The following AP4E1 variants were observed in gnomAD, a reference collection of about 807,000 sequenced individuals.
The protein encoded by AP4E1 is AP-4 complex subunit epsilon-1.
Under a neutral mutation model 128.2 loss-of-function variants are expected in AP4E1, and 56 were observed. The ratio of observed to expected loss-of-function variants is 0.44; its 90% confidence interval spans 0.35 to 0.55. The LOEUF is 0.55. Among genes scored for constraint, AP4E1 ranks in the 20% least tolerant of loss-of-function variants. The pLI is 0.00. For missense variants in AP4E1, 1,324 were observed against 1,307.7 expected, an observed-to-expected ratio of 1.01 and a Z score of -0.19; for synonymous variants, 484 against 473.1, an observed-to-expected ratio of 1.02 and a Z score of -0.30.
At chr15:50,908,340 C>G (rs2141120117), upstream of AP4E1, among the ~76,000 whole-genome samples, 1 of 152,242 alleles carries the variant, frequency 6.6e-6, no homozygotes, top group South Asian at 2.1e-4. Flanking sequence ...TGAGAGGCGG[C>G]GGACGGCGCG....
chr15:50,972,118 T>C (rs1247904386), intron 15 of AP4E1, among the ~76,000 whole-genome samples: 1 of 152,230 alleles, frequency 6.6e-6, no homozygotes, highest in Non-Finnish European at 1.5e-5. Context: ...GACTTATTTG[T>C]ATAAATGGGT....
At chr15:50,922,979 G>T (rs560813737) in intron 3 of AP4E1, among the ~76,000 whole-genome samples, 14 of 151,994 alleles carry the variant, frequency 9.2e-5, no homozygotes, top group Non-Finnish European at 1.9e-4. Flanking sequence ...GGGTTTCACC[G>T]TGTTAGCCAG....
chr15:50,979,388 G>GA (rs1199620419), intron 15 of AP4E1, among the ~76,000 whole-genome samples: 3 of 152,220 alleles, frequency 2.0e-5, no homozygotes, highest in African/African-American at 7.2e-5. Flanking sequence ...TTACAAGAGT[G>GA]AGTTTGGCCC....
chr15:50,927,797 C>T (rs994762255), intron 5 of AP4E1, among the ~76,000 whole-genome samples: 2 of 151,942 alleles, frequency 1.3e-5, no homozygotes, highest in African/African-American at 2.4e-5. Flanking sequence ...GAGTGGAACA[C>T]AAAGGATTGC....
At chr15:50,985,492 G>T (rs571167918) in intron 16 of AP4E1, among the ~76,000 whole-genome samples, 43 of 152,280 alleles carry the variant, frequency 2.8e-4, no homozygotes, top group African/African-American at 1.0e-3. Flanking sequence ...TTTGTATAAG[G>T]TGTAAGGAAG....
At chr15:50,957,300 G>C (rs1213291252) in intron 13 of AP4E1, among the ~76,000 whole-genome samples, 1 of 152,160 alleles carries the variant, frequency 6.6e-6, no homozygotes, top group Non-Finnish European at 1.5e-5. Flanking sequence ...CAGAAGTCCA[G>C]CCGTCTCTGG....
At chr15:50,943,700 C>T (rs2064019064) in intron 10 of AP4E1, among the ~76,000 whole-genome samples, 1 of 151,998 alleles carries the variant, frequency 6.6e-6, no homozygotes, top group Non-Finnish European at 1.5e-5. Context: ...TCTAATACAC[C>T]CATTGGATGC....
At chr15:50,939,298 C>G (rs1322828420) in intron 8 of AP4E1, among the ~76,000 whole-genome samples, 3 of 151,994 alleles carry the variant, frequency 2.0e-5, no homozygotes, top group African/African-American at 7.2e-5. Context: ...CATGGTGAAA[C>G]CCTGTCTCTA....
intron 5 of AP4E1, among the ~76,000 whole-genome samples, chr15:50,925,544 T>A (rs2063757503): frequency 6.6e-6 from 1 of 152,198 alleles, no homozygotes; most frequent in South Asian, 2.1e-4. Context: ...TCTACCAAAG[T>A]TGTTTTGGGG....
At chr15:50,971,292 G>T (rs1431872302) in intron 15 of AP4E1, among the ~76,000 whole-genome samples, 1 of 151,944 alleles carries the variant, frequency 6.6e-6, no homozygotes, top group Non-Finnish European at 1.5e-5. Flanking sequence ...TGGCCTCTAA[G>T]GTTTCTGCTG....
At chr15:50,926,219 G>A (rs1260940087) in intron 5 of AP4E1, among the ~76,000 whole-genome samples, 2 of 150,754 alleles carry the variant, frequency 1.3e-5, no homozygotes, top group Non-Finnish European at 3.0e-5. Flanking sequence ...CTCACTGCAC[G>A]CTCCACCTCC....
chr15:50,957,967 T>TG (rs1020216024), intron 13 of AP4E1, among the ~76,000 whole-genome samples: 3 of 152,064 alleles, frequency 2.0e-5, no homozygotes, highest in Admixed American at 2.0e-4. Context: ...CCACCATGCC[T>TG]GGCCAATAAG....
chr15:50,982,086 CAAAA>C (rs55717107), intron 15 of AP4E1, among the ~76,000 whole-genome samples: 17 of 49,282 alleles, frequency 3.4e-4, no homozygotes, highest in South Asian at 2.2e-3. Flanking sequence ...ACTCCCATCT[CAAAA>C]AAAAAAAAAA....
chr15:50,916,194 C>G (rs550657008), intron 3 of AP4E1, among the ~76,000 whole-genome samples: 1 of 152,066 alleles, frequency 6.6e-6, no homozygotes, highest in Admixed American at 6.6e-5. Flanking sequence ...CCTCCCAAAG[C>G]GCTGGGATTA....
intron 3 of AP4E1, 35 bp from the exon 4 acceptor site, chr15:50,923,896 A>G: frequency 6.7e-7 from 1 of 1,491,100 alleles, no homozygotes; most frequent in Non-Finnish European, 9.3e-7. Flanking sequence ...TGTTTTTGGT[A>G]GTTAGTAATC....
At chr15:50,920,223 C>T (rs546595722) in intron 3 of AP4E1, among the ~76,000 whole-genome samples, 1 of 149,006 alleles carries the variant, frequency 6.7e-6, no homozygotes, top group East Asian at 2.0e-4. Context: ...ACGCCATTCT[C>T]CTGCCTCAGC....
chr15:50,931,180 A>G (rs188871793), intron 7 of AP4E1, among the ~76,000 whole-genome samples: 2 of 152,192 alleles, frequency 1.3e-5, no homozygotes, highest in Non-Finnish European at 2.9e-5. Flanking sequence ...TTTACCCATC[A>G]TGAAAGGTAC....
intron 15 of AP4E1, among the ~76,000 whole-genome samples, chr15:50,980,334 G>A (rs945714685): frequency 2.0e-5 from 3 of 152,206 alleles, no homozygotes; most frequent in Admixed American, 1.3e-4. Context: ...ATTTAAGAGC[G>A]ATGAACTAGA....
At chr15:51,000,175 C>CT (rs1056093145) in intron 19 of AP4E1, among the ~76,000 whole-genome samples, 4 of 122,554 alleles carry the variant, frequency 3.3e-5, no homozygotes, top group African/African-American at 1.3e-4. Context: ...CAGGGTCTTG[C>CT]TGTGTCACCC....
Sources: allele counts gnomAD v4.1 joint callset (sites outside exome capture counted in the v4.1 genomes callset), GRCh38; gene constraint gnomAD v4.1.1; transcripts MANE v1.5; gene names NCBI Gene and HGNC (gene_info 2026-07-23, HGNC 2026-07-21).